The following TMEM50A variants were observed in gnomAD, a reference collection of about 807,000 sequenced individuals.
The protein encoded by TMEM50A is transmembrane protein 50A, also known as cervical cancer oncogene 9.
Under a neutral mutation model 23.9 loss-of-function variants are expected in TMEM50A, and 8 were observed. The ratio of observed to expected loss-of-function variants is 0.33; its 90% confidence interval spans 0.20 to 0.60. The LOEUF is 0.60. Among genes scored for constraint, TMEM50A ranks in the 20% least tolerant of loss-of-function variants. The pLI is 0.81. For missense variants in TMEM50A, 178 were observed against 192.7 expected, an observed-to-expected ratio of 0.92 and a Z score of 0.45; for synonymous variants, 55 against 60.4, an observed-to-expected ratio of 0.91 and a Z score of 0.41.
At chr1:25,353,532 G>A (rs1487032840) in intron 5 of TMEM50A, among the ~76,000 whole-genome samples, 1 of 152,216 alleles carries the variant, frequency 6.6e-6, no homozygotes, top group Non-Finnish European at 1.5e-5. Flanking sequence ...GGCCTAACAA[G>A]TTCTGACTTT....
intron 2 of TMEM50A, 127 bp from the exon 3 acceptor site, chr1:25,342,834 A>T (rs1309427854): frequency 3.2e-6 from 2 of 629,408 alleles, no homozygotes; most frequent in Non-Finnish European, 5.3e-6. Flanking sequence ...TGTGCAAATT[A>T]CATGTGGGAA....
At chr1:25,342,317 G>A (rs564257303) in intron 2 of TMEM50A, among the ~76,000 whole-genome samples, 4 of 151,912 alleles carry the variant, frequency 2.6e-5, no homozygotes, top group Non-Finnish European at 5.9e-5. Flanking sequence ...GTAAATATCT[G>A]CTCAGATGAT....
At chr1:25,356,260 G>A (rs1021177052) in intron 5 of TMEM50A, among the ~76,000 whole-genome samples, 4 of 152,164 alleles carry the variant, frequency 2.6e-5, no homozygotes, top group Non-Finnish European at 4.4e-5. Flanking sequence ...CTGCTGCCCA[G>A]TTGCCCTCTT....
Position 25,352,594 on chromosome 1 carries a change from A to G in TMEM50A, c.275-288A>G, listed in dbSNP as rs1200008989. On this transcript the variant is annotated intron_variant, in intron 4 of 6. Coordinates refer to ENST00000374358, the MANE Select transcript of TMEM50A (RefSeq NM_014313.4). ...TGAAACAGATTTTATGAGATGTTTT[A>G]TAGGAAGGTTGAGTATAGGTTTTCT... is the stretch of plus-strand genomic sequence containing the variant. Among the ~76,000 whole-genome samples the G allele has an allele frequency of 9.2e-5, 14 of 151,944 alleles. 1 individual carries two copies. The East Asian group carries it at 1.3e-3, about 15-fold the overall frequency.
intron 3 of TMEM50A, among the ~76,000 whole-genome samples, chr1:25,348,424 C>T (rs548043921): frequency 1.9e-4 from 29 of 152,202 alleles, no homozygotes; most frequent in Admixed American, 9.2e-4. Flanking sequence ...CGGTGGCTCA[C>T]GCCTGTAATC....
intron 4 of TMEM50A, among the ~76,000 whole-genome samples, 183 bp downstream of exon 4, chr1:25,351,876 G>A (rs545178139): frequency 3.3e-5 from 5 of 152,202 alleles, no homozygotes; most frequent in East Asian, 3.9e-4. Context: ...TCTATTTGCC[G>A]TGCTTTATTG....
chr1:25,350,444 G>T (rs3091240), intron 3 of TMEM50A, among the ~76,000 whole-genome samples: 65,699 of 151,840 alleles, frequency 0.43, 15,594 homozygotes, highest in Non-Finnish European at 0.54. Flanking sequence ...AGGCTGAATC[G>T]CAGTGGCACG....
intron 6 of TMEM50A, 110 bp from the exon 7 acceptor site, chr1:25,360,550 C>A: frequency 8.2e-7 from 1 of 1,221,446 alleles, no homozygotes; most frequent in Non-Finnish European, 1.2e-6. Context: ...AAAATTTCTT[C>A]TACAACTCAT....
At chr1:25,352,794 T>C in intron 4 of TMEM50A, 88 bp from the exon 5 acceptor site, 1 of 1,270,310 alleles carries the variant, frequency 7.9e-7, no homozygotes, top group Non-Finnish European at 1.1e-6. Context: ...GCACTTTTTT[T>C]TTTTCTGTTT....
intron 2 of TMEM50A, among the ~76,000 whole-genome samples, chr1:25,341,468 G>C (rs984406260): frequency 6.6e-6 from 1 of 151,984 alleles, no homozygotes; most frequent in African/African-American, 2.4e-5. Flanking sequence ...CCGTGGTCTC[G>C]ATCTCCTGAC....
chr1:25,359,477 T>C (rs1645371789), intron 6 of TMEM50A, among the ~76,000 whole-genome samples: 2 of 149,412 alleles, frequency 1.3e-5, no homozygotes, highest in Admixed American at 6.7e-5. Context: ...GAGGCACTCA[T>C]AGAATACACC....
chr1:25,342,854 A>T (rs1645180070), intron 2 of TMEM50A, 107 bp from the exon 3 acceptor site: 1 of 799,706 alleles, frequency 1.3e-6, no homozygotes, highest in African/African-American at 1.7e-5. Context: ...AAAAGCTAGA[A>T]CATTTTTGAA....
intron 6 of TMEM50A, among the ~76,000 whole-genome samples, chr1:25,360,041 A>G (rs184903129): frequency 1.0e-3 from 159 of 152,282 alleles, no homozygotes; most frequent in African/African-American, 3.5e-3. Context: ...AGTTTGTTGA[A>G]TGAATTTGAT....
chr1:25,351,542 C>T, intron 3 of TMEM50A, 84 bp from the exon 4 acceptor site: 1 of 1,218,868 alleles, frequency 8.2e-7, no homozygotes, highest in Non-Finnish European at 1.1e-6. Flanking sequence ...CAGGCCTAAC[C>T]TTACATTTGA....
intron 3 of TMEM50A, among the ~76,000 whole-genome samples, chr1:25,350,640 G>A (rs1237572235): frequency 6.6e-6 from 1 of 151,936 alleles, no homozygotes; most frequent in Admixed American, 6.6e-5. Flanking sequence ...CGCCCACCTT[G>A]GCCTCCCAAA....
intron 2 of TMEM50A, among the ~76,000 whole-genome samples, chr1:25,341,176 TC>T (rs1645163570): frequency 6.6e-6 from 1 of 152,180 alleles, no homozygotes; most frequent in Admixed American, 6.5e-5. Context: ...TCATATGGTG[TC>T]GTAGGCTCTA....
Position 25,362,132 on chromosome 1 carries a change from TAA to T in TMEM50A, c.*1428_*1429del. The T allele has an allele frequency of 2.8e-6, 1 of 351,976 alleles. No individual in the cohort carries two copies. The allele number at this position is 351,976 out of a possible 1,614,324, so 21.8% of individuals were successfully genotyped here. On this transcript the variant is annotated 3_prime_UTR_variant, in exon 7 of 7. Transcript: ENST00000374358. Reference sequence around the variant, plus strand: ...AGAAAAGCATGATTCCCACAAGGACTAAGTATCAGTGATTTGTAATTTTCCTG... The same window carrying T: ...AGAAAAGCATGATTCCCACAAGGACTGTATCAGTGATTTGTAATTTTCCTG...
chr1:25,357,561 G>GTGTGT (rs34886126), intron 6 of TMEM50A, among the ~76,000 whole-genome samples: 6 of 139,148 alleles, frequency 4.3e-5, no homozygotes, highest in African/African-American at 1.8e-4. Context: ...GTGTGTGTGT[G>GTGTGT]TTGTGTGTGT....
Position 25,360,816 on chromosome 1 carries a change from T to G in TMEM50A, c.*111T>G. On this transcript the variant is annotated 3_prime_UTR_variant, in exon 7 of 7. Coordinates refer to ENST00000374358, the MANE Select transcript of TMEM50A (RefSeq NM_014313.4). ...TTTCTAAACTTATTTCTGAGTGTAG[T>G]CTCAGCTTAAAGTTGTGTAATACTA... is the stretch of plus-strand genomic sequence containing the variant. 3.3e-6 allele frequency: 4 copies of G among 1,224,356 alleles called. No individual in the cohort carries two copies. The South Asian group carries it at 5.3e-5, about 16-fold the overall frequency. 75.8% of individuals were successfully genotyped at this position (1,224,356 alleles called of 1,614,324 possible).
Sources: gnomAD v4.1 joint callset for allele counts (sites outside exome capture counted in the v4.1 genomes callset) on GRCh38, gnomAD v4.1.1 for gene constraint, MANE v1.5 for transcripts, NCBI Gene and HGNC (gene_info 2026-07-23, HGNC 2026-07-21) for gene names.